MTHFD2L: variants seen among roughly 807,000 people sequenced by gnomAD.
MTHFD2L encodes the protein bifunctional methylenetetrahydrofolate dehydrogenase/cyclohydrolase 2, mitochondrial.
A neutral mutation model predicts 34.9 loss-of-function variants in MTHFD2L; 29 were observed. The ratio of observed to expected loss-of-function variants is 0.83; its 90% CI spans 0.62 to 1.13. MTHFD2L has a LOEUF of 1.13. Among genes scored for constraint, MTHFD2L ranks in the 50% most tolerant of loss-of-function variants. MTHFD2L has a pLI of 0.00. For synonymous variants in MTHFD2L, 167 were observed against 155.7 expected, an observed-to-expected ratio of 1.07 and a Z score of -0.54; for missense variants, 481 against 446.5, an observed-to-expected ratio of 1.08 and a Z score of -0.70.
intron 1 of MTHFD2L, among the ~76,000 whole-genome samples, chr4:74,133,481 T>C (rs1722696668): frequency 6.6e-6 from 1 of 152,132 alleles, no homozygotes; most frequent in South Asian, 2.1e-4. Flanking sequence ...TTCTATATTT[T>C]AAAGGTGGCC....
intron 7 of MTHFD2L, among the ~76,000 whole-genome samples, chr4:74,296,207 T>C (rs10006685): frequency 0.06 from 9,161 of 152,194 alleles, 630 homozygotes; most frequent in African/African-American, 0.16. Context: ...TAAAAGACCT[T>C]GATTGCCATA....
At chr4:74,173,622 G>A (rs925998237) in intron 1 of MTHFD2L, among the ~76,000 whole-genome samples, 3 of 152,140 alleles carry the variant, frequency 2.0e-5, no homozygotes, top group Non-Finnish European at 4.4e-5. Context: ...AACCAAAAAC[G>A]AACTGATTTC....
intron 6 of MTHFD2L, chr4:74,280,391 G>A (rs957745866): frequency 1.1e-4 from 17 of 152,130 alleles, no homozygotes; most frequent in Non-Finnish European, 2.2e-4. Context: ...ATGTGTTCCA[G>A]TTGACAGCCT....
At chr4:74,279,261 T>C (rs956752464) in intron 6 of MTHFD2L, among the ~76,000 whole-genome samples, 3 of 152,020 alleles carry the variant, frequency 2.0e-5, no homozygotes, top group African/African-American at 7.2e-5. Flanking sequence ...GTAAGATACA[T>C]AGTGAGACAC....
chr4:74,287,070 T>C (rs1315437869), intron 7 of MTHFD2L, among the ~76,000 whole-genome samples: 2 of 152,184 alleles, frequency 1.3e-5, no homozygotes, highest in Non-Finnish European at 2.9e-5. Context: ...ATAAGTCTAA[T>C]GTAAAGGTAC....
chr4:74,274,690 G>T (rs1746393463), intron 6 of MTHFD2L, among the ~76,000 whole-genome samples: 1 of 152,158 alleles, frequency 6.6e-6, no homozygotes, highest in Non-Finnish European at 1.5e-5. Flanking sequence ...AGTAGCAGTG[G>T]TATGCTGAAG....
rs141567314 is a variant in MTHFD2L at position 74,166,827 on chromosome 4, A to G, written c.144-7679A>G. On this transcript the variant is annotated intron_variant, in intron 1 of 7. Transcript: ENST00000325278. ...CTGCCCCAGTACCAGGTCAGCTTCC[A>G]TTAATTCAGGTCCAAGCCTATCCCC... Among the ~76,000 whole-genome samples the G allele has an allele frequency of 7.4e-4, 113 of 152,304 alleles. 2 individuals carry two copies. Among genetic ancestry groups the G allele is most frequent in the East Asian group, 1.7e-3 (9 of 5,182 alleles).
intron 1 of MTHFD2L, among the ~76,000 whole-genome samples, chr4:74,135,621 A>G (rs1722849826): frequency 6.6e-6 from 1 of 152,166 alleles, no homozygotes; most frequent in African/African-American, 2.4e-5. Flanking sequence ...ACGATTAAAG[A>G]GGAGAGAGGG....
intron 1 of MTHFD2L, among the ~76,000 whole-genome samples, chr4:74,146,190 G>T (rs1389737346): frequency 6.6e-6 from 1 of 152,102 alleles, no homozygotes; most frequent in African/African-American, 2.4e-5. Flanking sequence ...AATTTAAAAA[G>T]ATTGACAAAT....
chr4:74,199,985 G>A lies in MTHFD2L; in HGVS notation c.604+39G>A, dbSNP rs141427163. On this transcript the variant is annotated intron_variant, in intron 4 of 7. Transcript: ENST00000325278. ...GGTCTGCAGGACATGGATGCTAGGT[G>A]CTGAGCTGAGCCTTTGTGCACTGAG... 6.6e-3 allele frequency: 10,526 copies of A among 1,605,716 alleles called. 56 individuals are homozygous for A. The highest frequency in any genetic ancestry group is 8.1e-3 in the Non-Finnish European group (9,487 of 1,173,770).
intron 7 of MTHFD2L, among the ~76,000 whole-genome samples, chr4:74,298,518 A>G (rs1749901199): frequency 6.6e-6 from 1 of 151,994 alleles, no homozygotes; most frequent in East Asian, 1.9e-4. Flanking sequence ...AAAGAATGCA[A>G]TAGTAAGCAT....
At chr4:74,175,489 A>G in intron 3 of MTHFD2L, 86 bp downstream of exon 3, 1 of 1,315,972 alleles carries the variant, frequency 7.6e-7, no homozygotes, top group Non-Finnish European at 1.0e-6. Context: ...TACTGCAAGT[A>G]ATTTATAAAA....
intron 6 of MTHFD2L, among the ~76,000 whole-genome samples, chr4:74,271,963 G>A (rs895881259): frequency 2.6e-5 from 4 of 152,068 alleles, no homozygotes; most frequent in African/African-American, 9.7e-5. Flanking sequence ...TATTATGTAA[G>A]TTCAGACAGA....
chr4:74,227,597 A>G (rs181951829), intron 6 of MTHFD2L, among the ~76,000 whole-genome samples: 2 of 152,174 alleles, frequency 1.3e-5, no homozygotes, highest in Admixed American at 1.3e-4. Context: ...ACGGCTTATT[A>G]TATTACTCTG....
intron 1 of MTHFD2L, chr4:74,164,997 C>G (rs1726356425): frequency 6.1e-6 from 6 of 985,138 alleles, no homozygotes; most frequent in Admixed American, 6.1e-5. Context: ...TCTAAGGGGT[C>G]AAATGGATTT....
chr4:74,125,761 C>T (rs559329182), intron 1 of MTHFD2L, among the ~76,000 whole-genome samples: 6 of 151,842 alleles, frequency 4.0e-5, no homozygotes, highest in African/African-American at 1.4e-4. Context: ...ATTGATTTCT[C>T]AAAACAAAAG....
upstream of MTHFD2L, among the ~76,000 whole-genome samples, chr4:74,122,456 A>T (rs1181088345): frequency 1.3e-5 from 2 of 152,200 alleles, no homozygotes; most frequent in African/African-American, 4.8e-5. Flanking sequence ...ATCCATCCCC[A>T]TGACTTAATC....
At chr4:74,150,754 CAT>C (rs1352675662) in intron 1 of MTHFD2L, among the ~76,000 whole-genome samples, 2 of 151,822 alleles carry the variant, frequency 1.3e-5, no homozygotes, top group Admixed American at 1.3e-4. Context: ...TACAGGTATA[CAT>C]GTGTATATGT....
intron 1 of MTHFD2L, among the ~76,000 whole-genome samples, chr4:74,131,039 A>T (rs533822625): frequency 6.6e-6 from 1 of 152,312 alleles, no homozygotes; most frequent in South Asian, 2.1e-4. Flanking sequence ...AAGGGATGTG[A>T]AGGACCCTTC....
Sources: gnomAD v4.1 joint callset for allele counts (sites outside exome capture counted in the v4.1 genomes callset) on GRCh38, gnomAD v4.1.1 for gene constraint, MANE v1.5 for transcripts, NCBI Gene and HGNC (gene_info 2026-07-23, HGNC 2026-07-21) for gene names.